The following SPATA6 variants were observed in gnomAD, a reference collection of about 807,000 sequenced individuals.
SPATA6 encodes the protein spermatogenesis-associated protein 6.
Under a neutral mutation model 65.3 loss-of-function variants are expected in SPATA6, and 56 were observed. The observed-to-expected ratio is 0.86, with a 90% CI of 0.69 to 1.07. SPATA6 has a LOEUF of 1.07. Among genes scored for constraint, SPATA6 ranks in the 50% least tolerant of loss-of-function variants. SPATA6 has a pLI of 0.00. For missense variants in SPATA6, 590 were observed against 594.8 expected (o/e 0.99, Z 0.08); for synonymous variants, 199 against 213.2 (o/e 0.93, Z 0.58).
chr1:48,421,395 C>A, intron 3 of SPATA6, among the ~76,000 whole-genome samples: 1 of 150,668 alleles, frequency 6.6e-6, no homozygotes. Context: ...ACAAAAAGAA[C>A]AAATCCTTTT....
intron 9 of SPATA6, among the ~76,000 whole-genome samples, chr1:48,362,649 G>T (rs1223807007): frequency 7.8e-6 from 1 of 128,642 alleles, no homozygotes; most frequent in Admixed American, 8.6e-5. Flanking sequence ...ACATTCCAAT[G>T]ACAATAACTG....
intron 3 of SPATA6, 29 bp from the exon 4 acceptor site, chr1:48,413,180 A>G: frequency 7.5e-7 from 1 of 1,337,836 alleles, no homozygotes; most frequent in Non-Finnish European, 9.8e-7. Context: ...ATTTCCTTAA[A>G]TAAACAAATT....
chr1:48,349,347 T>G lies in SPATA6; in HGVS notation c.1194+6323A>C, dbSNP rs1279722634. ...CCACTGAACTAGAATATAGTGACTATGTAGTTCTTTTTGTCTTAGCCTTAC... is the reference window on the plus strand; with the variant it reads ...CCACTGAACTAGAATATAGTGACTAGGTAGTTCTTTTTGTCTTAGCCTTAC... On this transcript the variant is annotated intron_variant, in intron 11 of 12. Transcript: ENST00000371847. Among the ~76,000 whole-genome samples, 5 of 152,024 alleles carry G rather than the reference T, an allele frequency of 3.3e-5. No individual in the cohort carries two copies. In the South Asian group the frequency reaches 1.0e-3, roughly 31 times the overall value.
At chr1:48,399,851 G>C (rs994291251) in intron 6 of SPATA6, among the ~76,000 whole-genome samples, 3 of 151,798 alleles carry the variant, frequency 2.0e-5, no homozygotes, top group Admixed American at 6.6e-5. Context: ...AAAGTACACT[G>C]TCTCAAACTT....
chr1:48,368,042 C>G (rs1338083664), intron 9 of SPATA6, among the ~76,000 whole-genome samples: 2 of 152,130 alleles, frequency 1.3e-5, no homozygotes, highest in Non-Finnish European at 2.9e-5. Flanking sequence ...TTTTATTTCT[C>G]CTTCACTTAT....
At chr1:48,442,221 G>C (rs1052233982) in intron 3 of SPATA6, among the ~76,000 whole-genome samples, 1 of 152,298 alleles carries the variant, frequency 6.6e-6, no homozygotes, top group African/African-American at 2.4e-5. Flanking sequence ...CCAGTTAGCA[G>C]AACTAGTGGC....
intron 9 of SPATA6, among the ~76,000 whole-genome samples, chr1:48,379,896 G>C (rs1013137060): frequency 1.3e-5 from 2 of 152,122 alleles, no homozygotes. Context: ...TATGCTTTAC[G>C]TGTATGATAG....
At chr1:48,446,833 T>C (rs1302100296) in intron 3 of SPATA6, among the ~76,000 whole-genome samples, 1 of 152,066 alleles carries the variant, frequency 6.6e-6, no homozygotes, top group African/African-American at 2.4e-5. Context: ...ATGACAGAAA[T>C]AGATTGACAT....
At chr1:48,462,584 T>C (rs534074762) in intron 1 of SPATA6, among the ~76,000 whole-genome samples, 5 of 152,296 alleles carry the variant, frequency 3.3e-5, no homozygotes, top group Non-Finnish European at 7.4e-5. Flanking sequence ...AAAAATTTAA[T>C]ATGGAATTGA....
chr1:48,292,663 G>A (rs144646559), downstream of SPATA6, among the ~76,000 whole-genome samples: 279 of 152,388 alleles, frequency 1.8e-3, 1 homozygote, highest in Middle Eastern at 6.8e-3. Context: ...AACAGCCAAA[G>A]CCAATAGCAG....
intron 10 of SPATA6, among the ~76,000 whole-genome samples, chr1:48,357,944 T>C (rs370949136): frequency 3.9e-5 from 6 of 152,322 alleles, no homozygotes; most frequent in African/African-American, 1.4e-4. Context: ...TTGTATTCTT[T>C]TATTTTAAAA....
At chr1:48,460,178 C>T (rs1657321566) in intron 1 of SPATA6, among the ~76,000 whole-genome samples, 1 of 151,938 alleles carries the variant, frequency 6.6e-6, no homozygotes, top group African/African-American at 2.4e-5. Flanking sequence ...GTTGCCCAAA[C>T]TGGTCTCAAA....
At chr1:48,273,090 T>C in the SPATA6 span, among the ~76,000 whole-genome samples, 3 of 152,340 alleles carry the variant, frequency 2.0e-5, no homozygotes, top group East Asian at 5.8e-4. Context: ...GTTGATTGTT[T>C]GCTATACAGA....
chr1:48,275,847 T>G, the SPATA6 span, among the ~76,000 whole-genome samples: 2 of 152,220 alleles, frequency 1.3e-5, no homozygotes, highest in African/African-American at 2.4e-5. Context: ...GCTGGACTCA[T>G]AAAATGAGTT....
rs534907944 is a variant in SPATA6, at chr1:48,344,857, G to C, written c.1194+10813C>G. On this transcript the variant is annotated intron_variant, in intron 11 of 12. Transcript: ENST00000371847. ...AAATACATATGCACCCAACACAGGA[G>C]CACGCAGATTTATAAAGCAAGTTCT... is the stretch of plus-strand genomic sequence containing the variant. 2.0e-5 allele frequency among the ~76,000 whole-genome samples: 3 copies of C among 152,222 alleles called. No homozygotes were observed. The East Asian group carries it at 5.8e-4, about 29-fold the overall frequency.
At chr1:48,316,849 C>T (rs866630904) in intron 11 of SPATA6, among the ~76,000 whole-genome samples, 6 of 151,916 alleles carry the variant, frequency 3.9e-5, no homozygotes, top group African/African-American at 1.4e-4. Flanking sequence ...AAAAACAACC[C>T]CATCAAAAAG....
intron 8 of SPATA6, among the ~76,000 whole-genome samples, chr1:48,387,910 A>G (rs928762389): frequency 2.6e-5 from 4 of 152,170 alleles, no homozygotes; most frequent in African/African-American, 9.7e-5. Flanking sequence ...TCATCCTGCC[A>G]CTGTCACGGT....
At chr1:48,307,780 T>C (rs986420217) in intron 11 of SPATA6, among the ~76,000 whole-genome samples, 2 of 151,872 alleles carry the variant, frequency 1.3e-5, no homozygotes, top group Non-Finnish European at 2.9e-5. Context: ...TTTAAGTGCA[T>C]ATATATTTGT....
chr1:48,467,861 A>G (rs1657931073), intron 1 of SPATA6, among the ~76,000 whole-genome samples: 2 of 152,212 alleles, frequency 1.3e-5, no homozygotes, highest in Non-Finnish European at 2.9e-5. Context: ...CACATGTTAG[A>G]ACGACTACTA....
Sources: allele counts gnomAD v4.1 joint callset (sites outside exome capture counted in the v4.1 genomes callset), GRCh38; gene constraint gnomAD v4.1.1; transcripts MANE v1.5; gene names NCBI Gene and HGNC (gene_info 2026-07-23, HGNC 2026-07-21).